Variants in CFHR1 observed in about 807,000 individuals in gnomAD.
The protein encoded by CFHR1 is complement factor H-related protein 1.
CFHR1 carries 22 observed loss-of-function variants against 30.4 expected under a neutral mutation model. The ratio of observed to expected loss-of-function variants is 0.72; its 90% CI spans 0.52 to 1.03. CFHR1 has a LOEUF of 1.03. Ranked by LOEUF, CFHR1 falls within the 50% of genes least tolerant of loss-of-function variation. The pLI is 0.00. For missense variants in CFHR1, 248 were observed against 380.6 expected, an observed-to-expected ratio of 0.65 and a Z score of 2.90; for synonymous variants, 95 against 129.1, an observed-to-expected ratio of 0.74 and a Z score of 1.79.
intron 4 of CFHR1, among the ~76,000 whole-genome samples, chr1:196,828,795 GTTTT>G (rs61334687): frequency 0.47 from 53,524 of 113,316 alleles, 16,800 homozygotes; most frequent in Admixed American, 0.55. Flanking sequence ...GTTGTCCTGT[GTTTT>G]TTTTTTTTTT....
At position 196,823,101 on chromosome 1, in the gene CFHR1, ATGTGTGTGTGTG is replaced by A. The variant is rs778697156; in HGVS notation, c.59-2354_59-2343del. On this transcript the variant is annotated intron_variant, in intron 1 of 5. Coordinates refer to ENST00000320493, the MANE Select transcript of CFHR1 (RefSeq NM_002113.3). The stretch of plus-strand genomic sequence containing the variant: ...TACGACTGTATATATATATATATAT[ATGTGTGTGTGTG>A]TGTGTGTGTGTGTGTGTGTGTATCC... Among the ~76,000 whole-genome samples the A allele has an allele frequency of 6.4e-5, 3 of 47,030 alleles. 1 individual carries two copies. Among genetic ancestry groups the A allele is most frequent in the African/African-American group, 2.2e-4 (2 of 9,062 alleles). The allele number at this position is 47,030 out of a possible 152,430, so 30.9% of individuals were successfully genotyped here.
At chr1:196,823,986 G>T (rs1187000911) in intron 1 of CFHR1, among the ~76,000 whole-genome samples, 1 of 124,670 alleles carries the variant, frequency 8.0e-6, no homozygotes, top group Non-Finnish European at 1.6e-5. Flanking sequence ...AAATATGTGT[G>T]TATATATATG....
chr1:196,830,622 G>T lies in CFHR1; in HGVS notation c.730G>T (p.Glu244Ter). ...EYQCQNLYQL[E>*]GNKRITCRNG... ...CCAATGCCAGAACTTGTATCAACTT[G>T]AGGGTAACAAGCGAATAACATGTAG... Residue 244 changes from glutamate to a stop codon, truncating the protein, a stop_gained, in exon 5 of 6, where the codon GAG (glutamate) becomes TAG (stop). Transcript: ENST00000320493. LOFTEE classifies it high-confidence loss of function. The T allele has an allele frequency of 6.6e-7, 1 of 1,524,630 alleles. No individual in the cohort carries two copies. The highest frequency in any genetic ancestry group is 8.9e-7 in the Non-Finnish European group (1 of 1,129,004). 94.4% of individuals were successfully genotyped at this position (1,524,630 alleles called of 1,614,324 possible).
In CFHR1 at chr1:196,823,605, AAG is replaced by A. The variant is rs571092006; in HGVS notation, c.59-1868_59-1867del. Among the ~76,000 whole-genome samples the A allele has an allele frequency of 3.7e-5, 5 of 135,980 alleles. 2 individuals carry two copies. The highest frequency in any genetic ancestry group is 7.8e-5 in the Non-Finnish European group (5 of 64,488). The allele number at this position is 135,980 out of a possible 152,430, so 89.2% of individuals were successfully genotyped here. A position where few individuals can be genotyped will look rare whatever the true frequency, so the allele number is the denominator to read the frequency against. ...AAACATTACTTCTAGATAGATGAAA[AAG>A]AGAAATTTCTCTTGATTTGTCAGCT... On this transcript the variant is annotated intron_variant, in intron 1 of 5. Coordinates refer to ENST00000320493, the MANE Select transcript of CFHR1 (RefSeq NM_002113.3).
intron 1 of CFHR1, among the ~76,000 whole-genome samples, chr1:196,823,192 T>C (rs73076031): frequency 0.018 from 2,440 of 133,472 alleles, 712 homozygotes; most frequent in African/African-American, 0.075. Flanking sequence ...ATAAAAATTA[T>C]TTTCTACTTT....
At chr1:196,823,795 A>G (rs981756387) in intron 1 of CFHR1, among the ~76,000 whole-genome samples, 1 of 135,048 alleles carries the variant, frequency 7.4e-6, no homozygotes, top group African/African-American at 3.2e-5. Context: ...TATCAAACCC[A>G]TAGAACGTAC....
chr1:196,824,291 T>G (rs1281504397), intron 1 of CFHR1, among the ~76,000 whole-genome samples: 2 of 133,604 alleles, frequency 1.5e-5, no homozygotes, highest in Non-Finnish European at 3.1e-5. Context: ...AGTCTTGCTC[T>G]GTCGCCCCCA....
intron 2 of CFHR1, 24 bp downstream of exon 2, chr1:196,825,695 A>C (rs1392264405): frequency 6.7e-7 from 1 of 1,491,960 alleles, no homozygotes; most frequent in Non-Finnish European, 9.1e-7. Flanking sequence ...CTGTTCATTA[A>C]ATGGATGTCA....
intron 3 of CFHR1, among the ~76,000 whole-genome samples, chr1:196,827,492 A>C (rs1295194900): frequency 7.4e-6 from 1 of 135,236 alleles, no homozygotes; most frequent in Non-Finnish European, 1.6e-5. Flanking sequence ...ATTATTATAG[A>C]CTTATTTTCT....
chr1:196,832,081 T>G lies in CFHR1; in HGVS notation c.*82T>G, dbSNP rs1309605663. 7.8e-7 allele frequency: 1 copy of G among 1,285,250 alleles called. No individual in the cohort carries two copies. Among genetic ancestry groups the G allele is most frequent in the Non-Finnish European group, 1.1e-6 (1 of 931,994 alleles). 79.6% of individuals were successfully genotyped at this position (1,285,250 alleles called of 1,614,324 possible). A position where few individuals can be genotyped will look rare whatever the true frequency, so the allele number is the denominator to read the frequency against. On this transcript the variant is annotated 3_prime_UTR_variant, in exon 6 of 6. Coordinates refer to ENST00000320493, the MANE Select transcript of CFHR1 (RefSeq NM_002113.3). Reference sequence around the variant, plus strand: ...ATTTCATTTTTAAGTATTGTTTTACTCCTTTTTATTCATACGTAAAATTTT... The same window carrying G: ...ATTTCATTTTTAAGTATTGTTTTACGCCTTTTTATTCATACGTAAAATTTT...
At chr1:196,827,166 T>C (rs1229015718) in intron 3 of CFHR1, among the ~76,000 whole-genome samples, 161 bp downstream of exon 3, 2 of 136,220 alleles carry the variant, frequency 1.5e-5, no homozygotes, top group Admixed American at 7.1e-5. Context: ...AATAACATAG[T>C]TTGCCTACCT....
Position 196,828,351 on chromosome 1 carries a change from C to T in CFHR1, c.607+105C>T, listed in dbSNP as rs1203367912. The T allele has an allele frequency of 1.2e-4, 102 of 874,162 alleles. 17 individuals carry two copies. Among genetic ancestry groups the T allele is most frequent in the Admixed American group, 4.9e-4 (20 of 40,600 alleles). The allele number at this position is 874,162 out of a possible 1,614,324, so 54.2% of individuals were successfully genotyped here. A position where few individuals can be genotyped will look rare whatever the true frequency, so the allele number is the denominator to read the frequency against. Reference sequence around the variant, plus strand: ...TTTTTATTAATAGATTTTTCAAATGCAAATAAAATGATTGATGGTGCTTAA... The same window carrying T: ...TTTTTATTAATAGATTTTTCAAATGTAAATAAAATGATTGATGGTGCTTAA... On this transcript the variant is annotated intron_variant, in intron 4 of 5. Transcript: ENST00000320493.
intron 1 of CFHR1, among the ~76,000 whole-genome samples, chr1:196,824,746 C>CTATATA (rs1161954804): frequency 2.7e-5 from 1 of 36,528 alleles, no homozygotes; most frequent in African/African-American, 2.4e-4. Flanking sequence ...GTGGGGCTGA[C>CTATATA]TGTATATATA....
At position 196,827,228 on chromosome 1, in the gene CFHR1, T is replaced by A. The variant is rs1359242190; in HGVS notation, c.430+223T>A. On this transcript the variant is annotated intron_variant, in intron 3 of 5. Coordinates refer to ENST00000320493, the MANE Select transcript of CFHR1 (RefSeq NM_002113.3). ...GGTCGCTAAACCGGTAGCATCATCATCTCCTTGGAGATTGTTTGAAATGAA... is the reference window on the plus strand; with the variant it reads ...GGTCGCTAAACCGGTAGCATCATCAACTCCTTGGAGATTGTTTGAAATGAA... Among the ~76,000 whole-genome samples, 3 of 135,432 alleles carry A rather than the reference T, an allele frequency of 2.2e-5. 1 individual carries two copies. Among genetic ancestry groups the A allele is most frequent in the Non-Finnish European group, 4.7e-5 (3 of 64,430 alleles). The allele number at this position is 135,432 out of a possible 152,430, so 88.8% of individuals were successfully genotyped here.
intron 1 of CFHR1, among the ~76,000 whole-genome samples, chr1:196,822,160 C>T (rs187747752): frequency 0.018 from 2,298 of 124,232 alleles, 431 homozygotes; most frequent in Non-Finnish European, 0.03. Flanking sequence ...TAGAACATCA[C>T]CATACACTAC....
chr1:196,829,965 GT>G (rs1176120834), intron 4 of CFHR1, among the ~76,000 whole-genome samples: 2 of 133,810 alleles, frequency 1.5e-5, no homozygotes, highest in Non-Finnish European at 3.1e-5. Flanking sequence ...TCAGTTTTTT[GT>G]TTTCAGTCTA....
chr1:196,825,370 A>G, intron 1 of CFHR1, 107 bp from the exon 2 acceptor site: 1 of 867,294 alleles, frequency 1.2e-6, no homozygotes, highest in Non-Finnish European at 1.7e-6. Context: ...AAAGGCATTT[A>G]AGCTAAATGA....
At chr1:196,827,400 AC>A in intron 3 of CFHR1, among the ~76,000 whole-genome samples, 1 of 135,462 alleles carries the variant, frequency 7.4e-6, no homozygotes, top group East Asian at 2.0e-4. Context: ...CTACACATGG[AC>A]CTGAAACTCT....
At position 196,825,461 on chromosome 1, in the gene CFHR1, T is replaced by C. The variant is rs1655285376; in HGVS notation, c.59-16T>C. 1.4e-6 allele frequency: 2 copies of C among 1,404,952 alleles called. 1 individual carries two copies. Among genetic ancestry groups the C allele is most frequent in the African/African-American group, 3.6e-5 (2 of 54,804 alleles). 87.0% of individuals were successfully genotyped at this position (1,404,952 alleles called of 1,614,324 possible). A position where few individuals can be genotyped will look rare whatever the true frequency, so the allele number is the denominator to read the frequency against. On this transcript the variant is annotated splice_polypyrimidine_tract_variant and intron_variant, in intron 1 of 5. Coordinates refer to ENST00000320493, the MANE Select transcript of CFHR1 (RefSeq NM_002113.3). Reference sequence around the variant, plus strand: ...AACTTATTATGTAATTCTTCAGTTTTATGTTATTTTCCCAGCAACATTTTG... The same window carrying C: ...AACTTATTATGTAATTCTTCAGTTTCATGTTATTTTCCCAGCAACATTTTG...
Sources: allele counts gnomAD v4.1 joint callset (sites outside exome capture counted in the v4.1 genomes callset), GRCh38; gene constraint gnomAD v4.1.1; transcripts MANE v1.5; gene names NCBI Gene and HGNC (gene_info 2026-07-23, HGNC 2026-07-21).